Variants in ACAN observed in about 807,000 individuals in gnomAD.
ACAN encodes aggrecan, also known as aggrecan core protein.
A neutral mutation model predicts 169.1 loss-of-function variants in ACAN; 47 were observed. The observed-to-expected ratio is 0.28, with a 90% CI of 0.22 to 0.35. ACAN has a LOEUF of 0.35. ACAN is among the 10% of genes least tolerant of loss of function. The pLI, the probability that ACAN is intolerant of heterozygous loss-of-function variation, is 1.00. For synonymous variants in ACAN, 1,115 were observed against 1,112.2 expected (o/e 1.00, Z -0.05); for missense variants, 2,716 against 2,759.9 (o/e 0.98, Z 0.36).
At position 88,873,816 on chromosome 15, in the gene ACAN, C is replaced by T. The variant is rs1458951033; in HGVS notation, c.7448-26C>T. On this transcript the variant is annotated intron_variant, in intron 17 of 18. Transcript: ENST00000560601. The surrounding 1 kb of genome is among the most constrained non-coding windows in gnomAD (Gnocchi z 7.5). The stretch of plus-strand genomic sequence containing the variant: ...TCATCCCAGGAGACCCTATGAGACC[C>T]TTTATAAAGGGTGTTTGCCCCTCAG... 2 of 1,610,700 alleles carry T rather than the reference C, an allele frequency of 1.2e-6. No homozygotes were observed. Among genetic ancestry groups the T allele is most frequent in the African/African-American group, 1.3e-5 (1 of 74,866 alleles).
At chr15:88,846,228 CA>C (rs1456674264) in intron 7 of ACAN, among the ~76,000 whole-genome samples, 1 of 152,138 alleles carries the variant, frequency 6.6e-6, no homozygotes, top group Non-Finnish European at 1.5e-5. Flanking sequence ...GACACCCCAA[CA>C]AAACAGAGCC....
chr15:88,838,766 C>A lies in ACAN; in HGVS notation c.174C>A (p.His58Gln). The change falls in exon 3 of 19, where the codon CAC becomes CAA. Residue 58 changes from histidine to glutamine, a missense_variant. Physicochemically the swap from His to Gln is conservative, Grantham distance 24. This residue lies in a region of ACAN where 1,283 missense variants were observed against 1,281.5 expected (regional missense o/e 1.00). Coordinates refer to ENST00000560601, the MANE Select transcript of ACAN (RefSeq NM_001369268.1). This position sits in a 1 kb window ranked among gnomAD's most constrained non-coding sequence, Gnocchi z 5.1. ...CCTGCTATTTCATCGACCCCATGCA[C>A]CCTGTGACCACCGCCCCTTCTACCG... ...TIPCYFIDPM[H>Q]PVTTAPSTAP... 6.2e-7 allele frequency: 1 copy of A among 1,613,974 alleles called. No homozygotes were observed. Among genetic ancestry groups the A allele is most frequent in the Non-Finnish European group, 8.5e-7 (1 of 1,179,876 alleles).
At position 88,859,221 on chromosome 15, in the gene ACAN, C is replaced by T; in HGVS notation, c.6636C>T (p.Val2212=). Residue 2212 remains valine (V), a synonymous_variant, in exon 12 of 19, where the codon GTC becomes GTT. Coordinates refer to ENST00000560601, the MANE Select transcript of ACAN (RefSeq NM_001369268.1). ...LSGHTSQLGV[V]ISTSIPESEW... The stretch of plus-strand genomic sequence containing the variant: ...GTCACACCTCGCAGCTGGGCGTTGT[C>T]ATCAGCACCAGCATCCCAGAGTCTG... The T allele has an allele frequency of 1.2e-6, 2 of 1,613,912 alleles. No individual in the cohort carries two copies. Among genetic ancestry groups the T allele is most frequent in the Non-Finnish European group, 1.7e-6 (2 of 1,179,898 alleles).
chr15:88,826,147 G>A (rs372163440), intron 1 of ACAN, among the ~76,000 whole-genome samples: 19 of 152,246 alleles, frequency 1.2e-4, no homozygotes, highest in Middle Eastern at 3.4e-3. Flanking sequence ...AGCTCACGTC[G>A]GGGGGCTCTA....
At position 88,840,055 on chromosome 15, in the gene ACAN, C is replaced by G. The variant is rs1338830657; in HGVS notation, c.498C>G (p.Leu166=). The G allele has an allele frequency of 3.7e-6, 6 of 1,602,994 alleles. No individual in the cohort carries two copies. The African/African-American group carries it at 6.7e-5, about 18-fold the overall frequency. Residue 166 remains leucine, a synonymous_variant, in exon 4 of 19, where the codon CTC becomes CTG. Coordinates refer to ENST00000560601, the MANE Select transcript of ACAN (RefSeq NM_001369268.1). The stretch of plus-strand genomic sequence containing the variant: ...GAGCCATCTCTACACGCTACACCCT[C>G]GACTTTGACAGGGCGCAGCGGGCCT... ...HYRAISTRYT[L]DFDRAQRACL...
At chr15:88,813,087 G>C (rs563033929) in intron 1 of ACAN, among the ~76,000 whole-genome samples, 16 of 152,338 alleles carry the variant, frequency 1.1e-4, no homozygotes, top group African/African-American at 3.8e-4. Context: ...TGCAGCAAAA[G>C]CTGCATGGGA....
rs1243969000 is a variant in ACAN at position 88,874,537 on chromosome 15, G to T, written c.*56G>T. 1.3e-5 allele frequency: 19 copies of T among 1,447,412 alleles called. No individual in the cohort carries two copies. The highest frequency in any genetic ancestry group is 1.8e-5 in the Non-Finnish European group (19 of 1,049,258). The allele number at this position is 1,447,412 out of a possible 1,614,324, so 89.7% of individuals were successfully genotyped here. On this transcript the variant is annotated 3_prime_UTR_variant, in exon 19 of 19. Transcript: ENST00000560601. The surrounding 1 kb of genome is among the most constrained non-coding windows in gnomAD (Gnocchi z 7.3). ...GAGCCCAGGAGCCTGCCAGGCTGACGTGCATCCCACCCAGACGGTGTCCTC... is the reference window on the plus strand; with the variant it reads ...GAGCCCAGGAGCCTGCCAGGCTGACTTGCATCCCACCCAGACGGTGTCCTC...
intron 9 of ACAN, among the ~76,000 whole-genome samples, chr15:88,848,552 TC>T (rs748421072): frequency 6.6e-5 from 10 of 152,222 alleles, no homozygotes; most frequent in East Asian, 3.8e-4. Context: ...CATGGCCAAA[TC>T]CGGTCTCTAC....
chr15:88,816,642 C>A (rs1366404605), intron 1 of ACAN, among the ~76,000 whole-genome samples: 1 of 152,172 alleles, frequency 6.6e-6, no homozygotes, highest in South Asian at 2.1e-4. Context: ...TCATGGTTGC[C>A]TGGCTGTTCC....
rs35120858 is a variant in ACAN, at chr15:88,851,889, G to C, written c.2122G>C (p.Gly708Arg). ...EEWIVTQVVP[G>R]VAAVPVEEET... Reference sequence around the variant, plus strand: ...GTGGATCGTGACCCAAGTGGTTCCTGGTGTGGCTGCTGTCCCCGTAGAAGA... The same window carrying C: ...GTGGATCGTGACCCAAGTGGTTCCTCGTGTGGCTGCTGTCCCCGTAGAAGA... The change falls in exon 11 of 19, where the codon GGT becomes CGT. Residue 708 changes from glycine (G) to arginine (R), a missense_variant. This residue lies in a region of ACAN where 1,283 missense variants were observed against 1,281.5 expected (regional missense o/e 1.00). Transcript: ENST00000560601. The surrounding 1 kb of genome is among the most constrained non-coding windows in gnomAD (Gnocchi z 4.3). 3.0e-5 allele frequency: 48 copies of C among 1,612,332 alleles called. No homozygotes were observed. Among genetic ancestry groups the C allele is most frequent in the Non-Finnish European group, 4.0e-5 (47 of 1,179,328 alleles).
chr15:88,865,513 C>T (rs1897265231), intron 13 of ACAN, among the ~76,000 whole-genome samples: 1 of 152,204 alleles, frequency 6.6e-6, no homozygotes, highest in Non-Finnish European at 1.5e-5. Context: ...GGCATAGTGA[C>T]GTCTTGCCAC....
chr15:88,847,122 C>G (rs1896809489), intron 7 of ACAN, 121 bp from the exon 8 acceptor site: 1 of 1,119,866 alleles, frequency 8.9e-7, no homozygotes, highest in South Asian at 1.8e-5. Context: ...TTTCAGCCTG[C>G]ATTGCCCAGA....
At position 88,858,079 on chromosome 15, in the gene ACAN, G is replaced by T. The variant is rs370620670; in HGVS notation, c.5494G>T (p.Val1832Leu). 1.1e-4 allele frequency: 183 copies of T among 1,613,802 alleles called. No individual in the cohort carries two copies. The highest frequency in any genetic ancestry group is 1.5e-4 in the Non-Finnish European group (177 of 1,179,904). ...CGGTGAATCTTCTGGGATTACATTT[G>T]TGGACACCAGTTTGGTTGAAGTGGC... ...GSGESSGITF[V>L]DTSLVEVAPT... Residue 1832 changes from valine to leucine, a missense_variant, in exon 12 of 19, where the codon GTG (valine) becomes TTG (leucine). By Grantham distance (32) the Val-to-Leu change is conservative (BLOSUM62 1). This residue lies in a region of ACAN where 1,389 missense variants were observed against 1,363.7 expected (regional missense o/e 1.02). Transcript: ENST00000560601. The surrounding 1 kb of genome is among the most constrained non-coding windows in gnomAD (Gnocchi z 4.0).
chr15:88,846,579 A>G (rs1896795815), intron 7 of ACAN, among the ~76,000 whole-genome samples: 1 of 152,240 alleles, frequency 6.6e-6, no homozygotes, highest in Non-Finnish European at 1.5e-5. Flanking sequence ...GTCTGGATTC[A>G]ACCAACCGTA....
Position 88,843,695 on chromosome 15 carries a change from G to A in ACAN, c.1051+47G>A. On this transcript the variant is annotated intron_variant, in intron 6 of 18. Transcript: ENST00000560601. This position sits in a 1 kb window ranked among gnomAD's most constrained non-coding sequence, Gnocchi z 4.0. ...GAAGGGAGTTCATGCCACTAAAATG[G>A]GGTCCTAGAGGGAAGAGGGGATCTT... 3 of 1,515,660 alleles carry A rather than the reference G, an allele frequency of 2.0e-6. No homozygotes were observed. Among genetic ancestry groups the A allele is most frequent in the Non-Finnish European group, 2.7e-6 (3 of 1,128,016 alleles). 93.9% of individuals were successfully genotyped at this position (1,515,660 alleles called of 1,614,324 possible).
rs763861381 is a variant in ACAN, at chr15:88,838,755, G to A, written c.163G>A (p.Asp55Asn). Reference protein sequence around the residue: ...TSLTIPCYFIDPMHPVTTAPS... With the variant: ...TSLTIPCYFINPMHPVTTAPS... ...CCTCACCATCCCCTGCTATTTCATC[G>A]ACCCCATGCACCCTGTGACCACCGC... Residue 55 changes from aspartate to asparagine, a missense_variant, in exon 3 of 19, where the codon GAC becomes AAC. By Grantham distance (23) the Asp-to-Asn change is conservative. Around this residue, in one of 3 missense-constraint regions of ACAN, gnomAD observed 1,283 missense variants for 1,281.5 expected, o/e 1.00. Coordinates refer to ENST00000560601, the MANE Select transcript of ACAN (RefSeq NM_001369268.1). This position sits in a 1 kb window ranked among gnomAD's most constrained non-coding sequence, Gnocchi z 5.1. The A allele has an allele frequency of 6.2e-6, 10 of 1,613,242 alleles. No individual in the cohort carries two copies. The highest frequency in any genetic ancestry group is 1.1e-5 in the South Asian group (1 of 91,052).
At chr15:88,819,550 G>C (rs1435222530) in intron 1 of ACAN, among the ~76,000 whole-genome samples, 1 of 148,368 alleles carries the variant, frequency 6.7e-6, no homozygotes, top group African/African-American at 2.5e-5. Flanking sequence ...ATTGCTTGAA[G>C]TCAGAAGTCT....
At chr15:88,847,098 G>A in intron 7 of ACAN, 145 bp from the exon 8 acceptor site, 2 of 915,216 alleles carry the variant, frequency 2.2e-6, no homozygotes, top group Non-Finnish European at 1.6e-6. Flanking sequence ...CACCCACGTG[G>A]CTACCAAGTG....
chr15:88,813,718 G>A (rs1205701322), intron 1 of ACAN, among the ~76,000 whole-genome samples: 1 of 152,178 alleles, frequency 6.6e-6, no homozygotes, highest in Non-Finnish European at 1.5e-5. Context: ...TAGCACCTCT[G>A]TGCCACAGTA....
Sources: gnomAD v4.1 joint callset for allele counts (sites outside exome capture counted in the v4.1 genomes callset) on GRCh38, gnomAD v4.1.1 for gene constraint, gnomAD v4.1.1 regional missense constraint, Gnocchi (gnomAD v3.1) non-coding constraint, MANE v1.5 for transcripts, NCBI Gene and HGNC (gene_info 2026-07-23, HGNC 2026-07-21) for gene names.